TMEM245: variants seen among roughly 807,000 people sequenced by gnomAD.
TMEM245 encodes the protein transmembrane protein 245.
A neutral mutation model predicts 101.2 loss-of-function variants in TMEM245; 69 were observed. That is an observed-to-expected ratio of 0.68 (90% CI 0.56 to 0.83). The LOEUF (loss-of-function observed/expected upper bound fraction) is 0.83, where lower values mean the gene tolerates loss of function less well. TMEM245 is among the 40% of genes least tolerant of loss of function. The pLI, the probability that TMEM245 is intolerant of heterozygous loss-of-function variation, is 0.00. For synonymous variants in TMEM245, 537 were observed against 449.8 expected (o/e 1.19, Z -2.45); for missense variants, 1,075 against 1,092.8 (o/e 0.98, Z 0.23).
intron 17 of TMEM245, among the ~76,000 whole-genome samples, chr9:109,021,541 G>A (rs1446365378): frequency 6.6e-6 from 1 of 152,110 alleles, no homozygotes; most frequent in African/African-American, 2.4e-5. Context: ...TTGAGACAAG[G>A]TCTCACTCTG....
At chr9:109,048,743 T>C (rs556976240) in intron 14 of TMEM245, among the ~76,000 whole-genome samples, 7 of 152,142 alleles carry the variant, frequency 4.6e-5, no homozygotes, top group Admixed American at 2.6e-4. Context: ...GAGGAAAAGA[T>C]AAAGGAAGCC....
chr9:109,098,534 A>G (rs997655632), intron 3 of TMEM245, among the ~76,000 whole-genome samples: 1 of 152,024 alleles, frequency 6.6e-6, no homozygotes, highest in South Asian at 2.1e-4. Flanking sequence ...ACCACAAGGA[A>G]TTGGCCTGGA....
At chr9:109,115,286 G>C (rs1381624938) in intron 1 of TMEM245, among the ~76,000 whole-genome samples, 2 of 152,034 alleles carry the variant, frequency 1.3e-5, no homozygotes, top group African/African-American at 2.4e-5. Flanking sequence ...AGAGCTTGCA[G>C]TGAGCTGAGA....
rs386415818 is a variant in TMEM245 at position 109,066,452 on chromosome 9, C to CAAAAAAAAA, written c.1533-1894_1533-1886dup. On this transcript the variant is annotated intron_variant, in intron 9 of 17. Transcript: ENST00000374586. ...CCTGGGCAAAAGAGCAAGACTGTCTCAAAAAAAAAAAAAAAAAAAAAAAAA... is the reference window on the plus strand; with the variant it reads ...CCTGGGCAAAAGAGCAAGACTGTCTCAAAAAAAAAAAAAAAAAAAAAAAAAAAAAAAAAA... Among the ~76,000 whole-genome samples, 353 of 52,448 alleles carry CAAAAAAAAA rather than the reference C, an allele frequency of 6.7e-3. 31 individuals are homozygous for CAAAAAAAAA. The highest frequency in any genetic ancestry group is 0.039 in the African/African-American group (333 of 8,594). The allele number at this position is 52,448 out of a possible 152,430, so 34.4% of individuals were successfully genotyped here. A position where few individuals can be genotyped will look rare whatever the true frequency, so the allele number is the denominator to read the frequency against.
In TMEM245 at chr9:109,016,583, T is replaced by C. The variant is rs959783355; in HGVS notation, c.*3877A>G. 10 of 151,736 alleles carry C rather than the reference T, an allele frequency of 6.6e-5. No homozygotes were observed. Among genetic ancestry groups the C allele is most frequent in the African/African-American group, 2.2e-4 (9 of 41,396 alleles). 9.4% of individuals were successfully genotyped at this position (151,736 alleles called of 1,614,324 possible). A position where few individuals can be genotyped will look rare whatever the true frequency, so the allele number is the denominator to read the frequency against. On this transcript the variant is annotated 3_prime_UTR_variant, in exon 18 of 18. Transcript: ENST00000374586. ...TCTAGCACAGAATTTCTGACTCTAG[T>C]AGACAGAACAACTTGATTTATAATT...
At chr9:109,091,771 C>T (rs1283841472) in intron 4 of TMEM245, among the ~76,000 whole-genome samples, 1 of 152,130 alleles carries the variant, frequency 6.6e-6, no homozygotes, top group Admixed American at 6.5e-5. Context: ...ATGCAACCAC[C>T]ATGTTACATT....
intron 12 of TMEM245, 140 bp from the exon 13 acceptor site, chr9:109,050,832 A>T (rs1243665011): frequency 8.6e-5 from 43 of 500,790 alleles, no homozygotes; most frequent in Non-Finnish European, 1.0e-4. Context: ...AATGAAAATT[A>T]AAAAAAAAAA....
At chr9:109,052,509 C>T (rs1828716525) in intron 12 of TMEM245, among the ~76,000 whole-genome samples, 1 of 152,212 alleles carries the variant, frequency 6.6e-6, no homozygotes, top group Admixed American at 6.5e-5. Context: ...CCATTCCTTT[C>T]CTACTTCAGA....
intron 17 of TMEM245, among the ~76,000 whole-genome samples, chr9:109,026,507 A>T (rs1248211992): frequency 6.6e-6 from 1 of 151,830 alleles, no homozygotes; most frequent in Non-Finnish European, 1.5e-5. Context: ...CAGAGTTTCA[A>T]TGGCACCTGG....
At chr9:109,030,513 T>C (rs986755597) in intron 17 of TMEM245, among the ~76,000 whole-genome samples, 3 of 152,244 alleles carry the variant, frequency 2.0e-5, no homozygotes, top group African/African-American at 7.2e-5. Flanking sequence ...TTTCTCAAAA[T>C]AACAGCAAAA....
chr9:109,107,783 T>C (rs1333919620), intron 2 of TMEM245, among the ~76,000 whole-genome samples: 2 of 152,096 alleles, frequency 1.3e-5, no homozygotes, highest in Non-Finnish European at 2.9e-5. Flanking sequence ...GAGATGAAAG[T>C]CTCAACCATA....
intron 6 of TMEM245, among the ~76,000 whole-genome samples, chr9:109,086,514 T>C (rs542646657): frequency 1.3e-5 from 2 of 152,326 alleles, no homozygotes; most frequent in South Asian, 2.1e-4. Context: ...AATACTTACA[T>C]AGAGCTCACT....
At chr9:109,117,276 AT>A (rs11393993) in intron 1 of TMEM245, among the ~76,000 whole-genome samples, 145 of 144,692 alleles carry the variant, frequency 1.0e-3, no homozygotes, top group Admixed American at 1.2e-3. Flanking sequence ...CACCCAGCTA[AT>A]TTTTTTTTTT....
intron 3 of TMEM245, among the ~76,000 whole-genome samples, chr9:109,093,993 G>C (rs150152520): frequency 1.3e-5 from 2 of 152,304 alleles, no homozygotes; most frequent in East Asian, 1.9e-4. Context: ...GTTAGTACGA[G>C]ATAATCCACA....
At chr9:109,022,289 C>T (rs1588012172) in intron 17 of TMEM245, among the ~76,000 whole-genome samples, 1 of 152,322 alleles carries the variant, frequency 6.6e-6, no homozygotes, top group East Asian at 1.9e-4. Flanking sequence ...TGTTAGTCTC[C>T]TGGCTATGGC....
At chr9:109,050,215 C>CA in intron 14 of TMEM245, 68 bp downstream of exon 14, 2 of 1,578,766 alleles carry the variant, frequency 1.3e-6, no homozygotes, top group East Asian at 2.3e-5. Context: ...ATGCTCATGA[C>CA]AAAAAACAGG....
intron 1 of TMEM245, among the ~76,000 whole-genome samples, chr9:109,117,917 C>T (rs1450300090): frequency 2.0e-5 from 3 of 152,362 alleles, no homozygotes; most frequent in Non-Finnish European, 4.4e-5. Flanking sequence ...ATCCACTTAA[C>T]TGAATTGTGA....
chr9:109,069,040 T>C (rs943551250), intron 9 of TMEM245, among the ~76,000 whole-genome samples: 5 of 152,214 alleles, frequency 3.3e-5, no homozygotes, highest in African/African-American at 1.2e-4. Context: ...TGTACTATAG[T>C]TATGCAAGAT....
chr9:109,071,659 T>A (rs1588051373), intron 9 of TMEM245, among the ~76,000 whole-genome samples: 1 of 151,716 alleles, frequency 6.6e-6, no homozygotes, highest in East Asian at 1.9e-4. Context: ...CCTAGGCAGG[T>A]TTTATATAAA....
Sources: gnomAD v4.1 joint callset for allele counts (sites outside exome capture counted in the v4.1 genomes callset) on GRCh38, gnomAD v4.1.1 for gene constraint, MANE v1.5 for transcripts, NCBI Gene and HGNC (gene_info 2026-07-23, HGNC 2026-07-21) for gene names.